The following CUX1 variants were observed in gnomAD, a reference collection of about 807,000 sequenced individuals.
CUX1 encodes the protein protein CASP.
Under a neutral mutation model 158.8 loss-of-function variants are expected in CUX1, and 31 were observed. That is an observed-to-expected ratio of 0.20 (90% CI 0.15 to 0.26). The LOEUF (loss-of-function observed/expected upper bound fraction) is 0.26, where lower values mean the gene tolerates loss of function less well. CUX1 is among the 10% of genes least tolerant of loss of function. The probability of loss-of-function intolerance (pLI) is 1.00; values close to 1 mark genes in which losing one functional copy is unlikely to be tolerated. For missense variants in CUX1, 1,589 were observed against 2,014.6 expected, an observed-to-expected ratio of 0.79 and a Z score of 4.04; for synonymous variants, 879 against 862.1, an observed-to-expected ratio of 1.02 and a Z score of -0.34.
chr7:101,816,907 GCTCCCGGCGCGGACCC>G (rs891359175), upstream of CUX1: 1 of 980,810 alleles, frequency 1.0e-6, no homozygotes, highest in Non-Finnish European at 1.2e-6. Context: ...CCCGCGTGTG[GCTCCCGGCGCGGACCC>G]CCGGGTTTGT....
At chr7:101,908,158 G>A (rs1274371064) in intron 1 of CUX1, among the ~76,000 whole-genome samples, 1 of 152,188 alleles carries the variant, frequency 6.6e-6, no homozygotes, top group Non-Finnish European at 1.5e-5. Context: ...GTAGGTAGAA[G>A]CAGATTCTAT....
chr7:102,100,955 G>A (rs1829707127), intron 5 of CUX1, among the ~76,000 whole-genome samples: 1 of 152,156 alleles, frequency 6.6e-6, no homozygotes, highest in Admixed American at 6.6e-5. Flanking sequence ...AGCTTCTGAG[G>A]GTCCTCAGGA....
At chr7:102,280,330 C>T (rs1791967679) in intron 19 of CUX1, among the ~76,000 whole-genome samples, 1 of 152,212 alleles carries the variant, frequency 6.6e-6, no homozygotes, top group Non-Finnish European at 1.5e-5. Context: ...AGACAGCCTC[C>T]CCACCGCTTC....
chr7:102,150,307 C>T (rs989297885), intron 8 of CUX1, among the ~76,000 whole-genome samples: 1 of 152,156 alleles, frequency 6.6e-6, no homozygotes, highest in Non-Finnish European at 1.5e-5. Flanking sequence ...AGGCGCTCGC[C>T]ACCATGCCCG....
chr7:101,909,168 C>T (rs1380266234), intron 1 of CUX1, among the ~76,000 whole-genome samples: 4 of 150,508 alleles, frequency 2.7e-5, no homozygotes, highest in African/African-American at 7.3e-5. Flanking sequence ...GAGGCCGAGG[C>T]GGGAGGATCT....
intron 1 of CUX1, among the ~76,000 whole-genome samples, chr7:101,903,634 C>G (rs1802407027): frequency 6.6e-6 from 1 of 152,200 alleles, no homozygotes; most frequent in African/African-American, 2.4e-5. Flanking sequence ...ATCCTCCCCT[C>G]TCCCTGCCAC....
intron 3 of CUX1, among the ~76,000 whole-genome samples, chr7:102,045,983 G>A (rs1268222515): frequency 1.3e-5 from 2 of 152,144 alleles, no homozygotes; most frequent in African/African-American, 4.8e-5. Context: ...CCAGTGCCTG[G>A]GATGTAGTAG....
rs1019373130 is a variant in CUX1, at chr7:101,869,070, C to T, written c.31-47045C>T. Among the ~76,000 whole-genome samples, 1 of 121,466 alleles carries T rather than the reference C, an allele frequency of 8.2e-6. No individual in the cohort carries two copies. Among genetic ancestry groups the T allele is most frequent in the Non-Finnish European group, 1.8e-5 (1 of 56,876 alleles). The allele number at this position is 121,466 out of a possible 152,430, so 79.7% of individuals were successfully genotyped here. On this transcript the variant is annotated intron_variant, in intron 1 of 23. Coordinates refer to ENST00000292535, the MANE Select transcript of CUX1 (RefSeq NM_181552.4). The surrounding 1 kb of genome is among the most constrained non-coding windows in gnomAD (Gnocchi z 4.5). ...GTGGAGACTTCCTGGCTTCCGAGGG[C>T]GGGCGAGGGGGCAAAGGGCCTGGGG...
intron 1 of CUX1, among the ~76,000 whole-genome samples, chr7:101,834,176 T>TC: frequency 7.3e-6 from 1 of 137,834 alleles, no homozygotes; most frequent in Admixed American, 7.1e-5. Flanking sequence ...TTTTTTTTTT[T>TC]TTTTTTTTTT....
At chr7:102,126,940 G>C (rs1832703700) in intron 8 of CUX1, among the ~76,000 whole-genome samples, 1 of 152,192 alleles carries the variant, frequency 6.6e-6, no homozygotes, top group Non-Finnish European at 1.5e-5. Flanking sequence ...AGATCATCAG[G>C]CATTAGATTC....
intron 1 of CUX1, among the ~76,000 whole-genome samples, chr7:101,838,671 C>T (rs1319592448): frequency 6.6e-5 from 10 of 151,926 alleles, no homozygotes; most frequent in Admixed American, 5.9e-4. Context: ...GGCTTGGTGG[C>T]GCATGCCTGT....
rs1809663889 is a variant in CUX1 at position 101,955,540 on chromosome 7, A to ACCCACTTC, written c.141+39324_141+39331dup. 3.9e-5 allele frequency among the ~76,000 whole-genome samples: 6 copies of ACCCACTTC among 152,020 alleles called. No individual in the cohort carries two copies. The South Asian group carries it at 1.2e-3, about 32-fold the overall frequency. Reference sequence around the variant, plus strand: ...GCAGGCATGCCTGACCTCCGCACCTACCCACTTCCCCACTTCTGCAGTCTC... The same window carrying ACCCACTTC: ...GCAGGCATGCCTGACCTCCGCACCTACCCACTTCCCCACTTCCCCACTTCTGCAGTCTC... On this transcript the variant is annotated intron_variant, in intron 2 of 23. Transcript: ENST00000292535.
chr7:102,176,387 GA>G (rs1792337559), intron 10 of CUX1, among the ~76,000 whole-genome samples: 2 of 152,142 alleles, frequency 1.3e-5, no homozygotes, highest in South Asian at 4.2e-4. Flanking sequence ...TCAGAGGGGG[GA>G]CAGCGGCAAG....
rs756778760 is a variant in CUX1, at chr7:101,916,124, G to A, written c.40G>A (p.Asp14Asn). The A allele has an allele frequency of 7.4e-6, 12 of 1,612,614 alleles. No homozygotes were observed. Among genetic ancestry groups the A allele is most frequent in the Admixed American group, 1.7e-5 (1 of 59,996 alleles). Reference sequence around the variant, plus strand: ...CCTGTTTCCCCAACAGAGAGAACTCGATGCCACCGCAACGGTATTGGCGAA... The same window carrying A: ...CCTGTTTCCCCAACAGAGAGAACTCAATGCCACCGCAACGGTATTGGCGAA... ...VAGARLKRELDATATVLANRQ... is the reference protein window; with the variant it reads ...VAGARLKRELNATATVLANRQ... Residue 14 changes from aspartate (D) to asparagine (N), a missense_variant, in exon 2 of 24, where the codon GAT (aspartate) becomes AAT (asparagine). Transcript: ENST00000292535. The surrounding 1 kb of genome is among the most constrained non-coding windows in gnomAD (Gnocchi z 4.4).
In CUX1 at chr7:102,067,299, C is replaced by T. The variant is rs532570211; in HGVS notation, c.190-3040C>T. 9.5e-5 allele frequency among the ~76,000 whole-genome samples: 12 copies of T among 126,772 alleles called. No individual in the cohort carries two copies. In the East Asian group the frequency reaches 3.0e-3, roughly 32 times the overall value. The allele number at this position is 126,772 out of a possible 152,430, so 83.2% of individuals were successfully genotyped here. A position where few individuals can be genotyped will look rare whatever the true frequency, so the allele number is the denominator to read the frequency against. On this transcript the variant is annotated intron_variant, in intron 3 of 23. Coordinates refer to ENST00000292535, the MANE Select transcript of CUX1 (RefSeq NM_181552.4). The stretch of plus-strand genomic sequence containing the variant: ...CCAGGCTGGAGTACAGTGGTGTGAT[C>T]TCAGCTCACTGCATCCTCCACCTCC...
chr7:102,178,024 T>A (rs1554512520), intron 10 of CUX1, among the ~76,000 whole-genome samples: 1 of 152,188 alleles, frequency 6.6e-6, no homozygotes, highest in African/African-American at 2.4e-5. Context: ...CCCGAGTAGC[T>A]GGGATTACAG....
chr7:101,958,185 C>G (rs1809998460), intron 2 of CUX1, among the ~76,000 whole-genome samples: 2 of 152,184 alleles, frequency 1.3e-5, no homozygotes, highest in Admixed American at 6.5e-5. Flanking sequence ...CCCCCTCCTT[C>G]TAGAACCTCC....
intron 14 of CUX1, among the ~76,000 whole-genome samples, chr7:102,268,847 C>T (rs1362741169): frequency 2.0e-5 from 3 of 151,910 alleles, no homozygotes; most frequent in African/African-American, 7.3e-5. Flanking sequence ...CAACCAGATC[C>T]CTATCTCAGA....
chr7:102,156,763 C>T (rs1168454353), intron 8 of CUX1, among the ~76,000 whole-genome samples: 1 of 152,148 alleles, frequency 6.6e-6, no homozygotes. Flanking sequence ...TAGACTTGCC[C>T]GTCACAGACA....
Sources: gnomAD v4.1 joint callset for allele counts (sites outside exome capture counted in the v4.1 genomes callset) on GRCh38, gnomAD v4.1.1 for gene constraint, Gnocchi (gnomAD v3.1) non-coding constraint, MANE v1.5 for transcripts, NCBI Gene and HGNC (gene_info 2026-07-23, HGNC 2026-07-21) for gene names.